IGLL5: variants seen among roughly 807,000 people sequenced by gnomAD.
IGLL5 encodes the protein immunoglobulin lambda like polypeptide 5, also known as immunoglobulin lambda-like polypeptide 5.
A neutral mutation model predicts 20.9 loss-of-function variants in IGLL5; 30 were observed. The ratio of observed to expected loss-of-function variants is 1.44; its 90% CI spans 1.07 to 1.95. The LOEUF (loss-of-function observed/expected upper bound fraction) is 1.95. Among genes scored for constraint, IGLL5 ranks in the 30% most tolerant of loss-of-function variants. The pLI is 0.00. For missense variants in IGLL5, 475 were observed against 270.7 expected (o/e 1.75, Z -5.30); for synonymous variants, 203 against 117.3 (o/e 1.73, Z -4.72).
chr22:22,888,365 A>C (rs184925856), intron 1 of IGLL5, 106 bp downstream of exon 1: 9 of 1,012,886 alleles, frequency 8.9e-6, no homozygotes, highest in East Asian at 5.3e-5. Flanking sequence ...GTTAACCCCT[A>C]AGAGGGGCCT....
Position 22,894,994 on chromosome 22 carries a change from A to T in IGLL5, c.326-381A>T, listed in dbSNP as rs2066714537. ...GGAGGAGGCTCTAGGTCCTGGAAGA[A>T]TAAAGTGGGTGATGGAGGGGGGTAT... On this transcript the variant is annotated intron_variant, in intron 2 of 2. Transcript: ENST00000526893. 1.3e-5 allele frequency among the ~76,000 whole-genome samples: 2 copies of T among 151,450 alleles called. 1 individual carries two copies. Among genetic ancestry groups the T allele is most frequent in the African/African-American group, 4.8e-5 (2 of 41,352 alleles).
chr22:22,894,041 C>CT (rs2067972389), intron 2 of IGLL5, among the ~76,000 whole-genome samples: 1 of 150,330 alleles, frequency 6.7e-6, no homozygotes, highest in African/African-American at 2.5e-5. Context: ...GGGGCCTGAG[C>CT]TGGGATTGGG....
At chr22:22,894,891 T>C (rs568628582) in intron 2 of IGLL5, among the ~76,000 whole-genome samples, 3 of 151,108 alleles carry the variant, frequency 2.0e-5, no homozygotes, top group South Asian at 2.1e-4. Context: ...GAAGCTCCAG[T>C]TCAAAGCAGG....
chr22:22,887,975 G>T lies in IGLL5; in HGVS notation c.-79G>T. 8.7e-7 allele frequency: 1 copy of T among 1,147,186 alleles called. No individual in the cohort carries two copies. Among genetic ancestry groups the T allele is most frequent in the Non-Finnish European group, 1.3e-6 (1 of 780,476 alleles). The allele number at this position is 1,147,186 out of a possible 1,614,324, so 71.1% of individuals were successfully genotyped here. A position where few individuals can be genotyped will look rare whatever the true frequency, so the allele number is the denominator to read the frequency against. ...GGGGTGTACTGTAACAGCCCTGCTG[G>T]CGAGAGGGACCAGGGCACCGTCCTC... On this transcript the variant is annotated 5_prime_UTR_variant, in exon 1 of 3. Coordinates refer to ENST00000526893, the MANE Select transcript of IGLL5 (RefSeq NM_001178126.2).
rs1389282290 is a variant in IGLL5 at position 22,888,011 on chromosome 22, A to G, written c.-43A>G. ...CAGGGCACCGTCCTCCAGGGAGCCC[A>G]TGCTGCAAGTCGGGCCAGAGGTGCC... On this transcript the variant is annotated 5_prime_UTR_variant, in exon 1 of 3. The change abolishes an upstream ATG in the 5' untranslated region. Coordinates refer to ENST00000526893, the MANE Select transcript of IGLL5 (RefSeq NM_001178126.2). The G allele has an allele frequency of 4.0e-6, 6 of 1,490,970 alleles. No homozygotes were observed. Among genetic ancestry groups the G allele is most frequent in the African/African-American group, 1.4e-5 (1 of 71,632 alleles). 92.4% of individuals were successfully genotyped at this position (1,490,970 alleles called of 1,614,324 possible).
chr22:22,887,984 A>C lies in IGLL5; in HGVS notation c.-70A>C. On this transcript the variant is annotated 5_prime_UTR_variant, in exon 1 of 3. Transcript: ENST00000526893. ...TGTAACAGCCCTGCTGGCGAGAGGG[A>C]CCAGGGCACCGTCCTCCAGGGAGCC... The C allele has an allele frequency of 7.9e-7, 1 of 1,259,410 alleles. No homozygotes were observed. The highest frequency in any genetic ancestry group is 1.1e-6 in the Non-Finnish European group (1 of 882,788). 78.0% of individuals were successfully genotyped at this position (1,259,410 alleles called of 1,614,324 possible). A position where few individuals can be genotyped will look rare whatever the true frequency, so the allele number is the denominator to read the frequency against.
rs563702127 is a variant in IGLL5 at position 22,888,021 on chromosome 22, T to C, written c.-33T>C. The C allele has an allele frequency of 3.3e-6, 5 of 1,529,280 alleles. No homozygotes were observed. The highest frequency in any genetic ancestry group is 1.4e-5 in the African/African-American group (1 of 72,432). 94.7% of individuals were successfully genotyped at this position (1,529,280 alleles called of 1,614,324 possible). On this transcript the variant is annotated 5_prime_UTR_variant, in exon 1 of 3. Coordinates refer to ENST00000526893, the MANE Select transcript of IGLL5 (RefSeq NM_001178126.2). ...TCCTCCAGGGAGCCCATGCTGCAAG[T>C]CGGGCCAGAGGTGCCCCTGAACCTG...
intron 2 of IGLL5, among the ~76,000 whole-genome samples, chr22:22,894,024 T>G (rs2067969520): frequency 6.6e-6 from 1 of 151,392 alleles, no homozygotes; most frequent in African/African-American, 2.4e-5. Context: ...GGATGCAGCC[T>G]GGTCCCGGGG....
At position 22,888,000 on chromosome 22, in the gene IGLL5, C is replaced by G; in HGVS notation, c.-54C>G. ...GCGAGAGGGACCAGGGCACCGTCCT[C>G]CAGGGAGCCCATGCTGCAAGTCGGG... is the stretch of plus-strand genomic sequence containing the variant. On this transcript the variant is annotated 5_prime_UTR_variant, in exon 1 of 3. Transcript: ENST00000526893. 1 of 1,428,876 alleles carries G rather than the reference C, an allele frequency of 7.0e-7. No homozygotes were observed. The highest frequency in any genetic ancestry group is 1.4e-5 in the African/African-American group (1 of 70,446). 88.5% of individuals were successfully genotyped at this position (1,428,876 alleles called of 1,614,324 possible). A position where few individuals can be genotyped will look rare whatever the true frequency, so the allele number is the denominator to read the frequency against.
At chr22:22,894,611 A>C (rs181574262) in intron 2 of IGLL5, among the ~76,000 whole-genome samples, 2 of 150,990 alleles carry the variant, frequency 1.3e-5, no homozygotes, top group African/African-American at 2.4e-5. Context: ...AGGGGAGTGA[A>C]TGAGGGGTGC....
At chr22:22,889,180 A>G (rs2067693813) in intron 1 of IGLL5, among the ~76,000 whole-genome samples, 2 of 151,166 alleles carry the variant, frequency 1.3e-5, no homozygotes, top group Admixed American at 6.6e-5. Context: ...GGTGATGGCC[A>G]AGTCCAGGGT....
At chr22:22,888,456 A>T (rs923492529) in intron 1 of IGLL5, among the ~76,000 whole-genome samples, 197 bp downstream of exon 1, 9 of 151,386 alleles carry the variant, frequency 5.9e-5, no homozygotes, top group East Asian at 4.0e-4. Context: ...ATATCATATT[A>T]CGATATTATT....
intron 1 of IGLL5, among the ~76,000 whole-genome samples, chr22:22,889,602 T>C (rs950348895): frequency 5.3e-5 from 8 of 151,242 alleles, no homozygotes; most frequent in African/African-American, 1.9e-4. Flanking sequence ...TTGTTGTTTT[T>C]GTTTTGAAAC....
chr22:22,889,300 G>C, intron 1 of IGLL5, among the ~76,000 whole-genome samples: 1 of 150,994 alleles, frequency 6.6e-6, no homozygotes, highest in African/African-American at 2.4e-5. Flanking sequence ...TTGAAGTGAG[G>C]GCTGAGCAGA....
rs567223608 is a variant in IGLL5, at chr22:22,888,007, G to C, written c.-47G>C. ...GGACCAGGGCACCGTCCTCCAGGGA[G>C]CCCATGCTGCAAGTCGGGCCAGAGG... is the stretch of plus-strand genomic sequence containing the variant. On this transcript the variant is annotated 5_prime_UTR_variant, in exon 1 of 3. Coordinates refer to ENST00000526893, the MANE Select transcript of IGLL5 (RefSeq NM_001178126.2). The C allele has an allele frequency of 1.4e-6, 2 of 1,461,390 alleles. No individual in the cohort carries two copies. Among genetic ancestry groups the C allele is most frequent in the Admixed American group, 2.0e-5 (1 of 50,684 alleles). 90.5% of individuals were successfully genotyped at this position (1,461,390 alleles called of 1,614,324 possible).
rs548679210 is a variant in IGLL5 at position 22,893,686 on chromosome 22, G to C, written c.207-14G>C. 8.3e-6 allele frequency: 13 copies of C among 1,574,362 alleles called. No homozygotes were observed. The highest frequency in any genetic ancestry group is 4.1e-5 in the African/African-American group (3 of 73,818). On this transcript the variant is annotated splice_polypyrimidine_tract_variant and intron_variant, in intron 1 of 2. Coordinates refer to ENST00000526893, the MANE Select transcript of IGLL5 (RefSeq NM_001178126.2). ...CCCCGCCCACTGCAACCCTGTGCCC[G>C]TCATGCCCAGCAGGCTCCTGCTCCA...
At chr22:22,889,014 A>C (rs2067676015) in intron 1 of IGLL5, among the ~76,000 whole-genome samples, 1 of 151,382 alleles carries the variant, frequency 6.6e-6, no homozygotes, top group Non-Finnish European at 1.5e-5. Context: ...AAGGGGAGGC[A>C]AGAAGACCAT....
chr22:22,889,359 A>T (rs551377223), intron 1 of IGLL5, among the ~76,000 whole-genome samples: 1 of 151,030 alleles, frequency 6.6e-6, no homozygotes, highest in East Asian at 2.0e-4. Context: ...AAAATGTATA[A>T]CCATTTTAGC....
At position 22,888,194 on chromosome 22, in the gene IGLL5, C is replaced by G. The variant is rs191888936; in HGVS notation, c.141C>G (p.Ser47Arg). ...TGCGCCCAATGGTTGCACCGCAAAG[C>G]GGGGACCCAGACCCTGGAGCCTCAG... ...GLLRPMVAPQ[S>R]GDPDPGASVG... The change falls in exon 1 of 3, where the codon AGC (serine) becomes AGG (arginine). Residue 47 changes from serine to arginine, a missense_variant. Physicochemically the swap from Ser to Arg is moderately radical, Grantham distance 110 (BLOSUM62 -1). Coordinates refer to ENST00000526893, the MANE Select transcript of IGLL5 (RefSeq NM_001178126.2). 5 of 1,548,620 alleles carry G rather than the reference C, an allele frequency of 3.2e-6. No individual in the cohort carries two copies. The highest frequency in any genetic ancestry group is 3.9e-5 in the Admixed American group (2 of 50,782).
Sources: allele counts gnomAD v4.1 joint callset (sites outside exome capture counted in the v4.1 genomes callset), GRCh38; gene constraint gnomAD v4.1.1; transcripts MANE v1.5; gene names NCBI Gene and HGNC (gene_info 2026-07-23, HGNC 2026-07-21).